The following LDB2 variants were observed in gnomAD, a reference collection of about 807,000 sequenced individuals.
LDB2 encodes the protein LIM domain binding 2.
In LDB2, 12 loss-of-function variants were observed where a neutral mutation model predicts 44.3. That is an observed-to-expected ratio of 0.27 (90% confidence interval 0.17 to 0.44). The LOEUF (loss-of-function observed/expected upper bound fraction) is 0.44, where lower values mean the gene tolerates loss of function less well. LDB2 is among the 20% of genes least tolerant of loss of function. LDB2 has a pLI of 1.00. For synonymous variants in LDB2, 164 were observed against 174.8 expected (o/e 0.94, Z 0.49); for missense variants, 344 against 473.5 (o/e 0.73, Z 2.54).
chr4:16,730,138 A>T (rs1291129339), intron 2 of LDB2, among the ~76,000 whole-genome samples: 2 of 152,178 alleles, frequency 1.3e-5, no homozygotes. Flanking sequence ...GTCAGAAAGT[A>T]ATACATCCTT....
At chr4:16,754,811 C>T (rs574667814) in intron 2 of LDB2, among the ~76,000 whole-genome samples, 20 of 152,262 alleles carry the variant, frequency 1.3e-4, no homozygotes, top group African/African-American at 4.3e-4. Flanking sequence ...GGATTACAGG[C>T]GTTAGCCACA....
intron 5 of LDB2, among the ~76,000 whole-genome samples, chr4:16,564,620 A>C (rs1431597567): frequency 6.6e-6 from 1 of 152,226 alleles, no homozygotes; most frequent in African/African-American, 2.4e-5. Context: ...TCACTTTTCT[A>C]AGGGATCTTT....
chr4:16,552,785 C>CTT (rs1170411721), intron 5 of LDB2, among the ~76,000 whole-genome samples: 1 of 152,200 alleles, frequency 6.6e-6, no homozygotes, highest in Non-Finnish European at 1.5e-5. Flanking sequence ...CTTTTTGACA[C>CTT]TTTCTGACTT....
At chr4:16,827,264 G>A (rs1199951682) in intron 1 of LDB2, among the ~76,000 whole-genome samples, 1 of 152,168 alleles carries the variant, frequency 6.6e-6, no homozygotes, top group African/African-American at 2.4e-5. Flanking sequence ...GACAGCAGGA[G>A]GACAGTGTCA....
intron 1 of LDB2, among the ~76,000 whole-genome samples, chr4:16,892,647 G>A (rs1461206778): frequency 2.0e-5 from 3 of 152,194 alleles, no homozygotes; most frequent in Non-Finnish European, 4.4e-5. Context: ...AAAGTTGGAT[G>A]TTTGGGGTTG....
intron 1 of LDB2, among the ~76,000 whole-genome samples, chr4:16,826,045 AG>A (rs1285190766): frequency 6.6e-6 from 1 of 151,818 alleles, no homozygotes; most frequent in East Asian, 1.9e-4. Context: ...GATTTAGTTT[AG>A]CCCTAATGTT....
intron 2 of LDB2, among the ~76,000 whole-genome samples, chr4:16,669,642 T>G (rs1744214008): frequency 6.6e-6 from 1 of 152,080 alleles, no homozygotes; most frequent in Non-Finnish European, 1.5e-5. Flanking sequence ...CACATGTGAG[T>G]CAGAAAGGTG....
intron 2 of LDB2, among the ~76,000 whole-genome samples, chr4:16,705,260 T>A (rs969846461): frequency 6.6e-6 from 1 of 152,128 alleles, no homozygotes; most frequent in Admixed American, 6.6e-5. Context: ...CTCTTTGGAA[T>A]AGAGTTCACA....
At chr4:16,739,763 T>C (rs1184353340) in intron 2 of LDB2, among the ~76,000 whole-genome samples, 1 of 140,554 alleles carries the variant, frequency 7.1e-6, no homozygotes, top group African/African-American at 2.6e-5. Flanking sequence ...TATATATAAC[T>C]ATTCTTAATG....
At chr4:16,562,153 G>T (rs1181756786) in intron 5 of LDB2, among the ~76,000 whole-genome samples, 8 of 152,098 alleles carry the variant, frequency 5.3e-5, no homozygotes, top group Admixed American at 5.2e-4. Flanking sequence ...CAGGACATAG[G>T]CATGGGCAAG....
intron 1 of LDB2, among the ~76,000 whole-genome samples, chr4:16,778,436 G>A (rs143569178): frequency 1.4e-3 from 211 of 152,146 alleles, no homozygotes; most frequent in African/African-American, 4.6e-3. Context: ...CTCCCTGCCC[G>A]CCCTACCTTG....
intron 1 of LDB2, among the ~76,000 whole-genome samples, chr4:16,816,270 A>T (rs1172531138): frequency 6.6e-6 from 1 of 152,176 alleles, no homozygotes; most frequent in Non-Finnish European, 1.5e-5. Flanking sequence ...ATGTGTGGAT[A>T]TCCATGGTAT....
At chr4:16,897,958 A>G (rs1161670547) in intron 1 of LDB2, among the ~76,000 whole-genome samples, 23 of 131,404 alleles carry the variant, frequency 1.8e-4, no homozygotes, top group African/African-American at 6.4e-4. Flanking sequence ...ATATATATAT[A>G]TATATATATA....
intron 1 of LDB2, among the ~76,000 whole-genome samples, chr4:16,791,267 A>G (rs1775636336): frequency 6.6e-6 from 1 of 152,188 alleles, no homozygotes; most frequent in African/African-American, 2.4e-5. Context: ...AACAACAACA[A>G]CAAAAACGGC....
chr4:16,564,362 G>GA (rs1425657401), intron 5 of LDB2, among the ~76,000 whole-genome samples: 2 of 152,030 alleles, frequency 1.3e-5, no homozygotes, highest in East Asian at 3.9e-4. Context: ...TTCTATCTCA[G>GA]AAAAAAGAAA....
intron 2 of LDB2, among the ~76,000 whole-genome samples, chr4:16,699,009 A>G (rs948486735): frequency 1.3e-5 from 2 of 152,222 alleles, no homozygotes; most frequent in Non-Finnish European, 2.9e-5. Context: ...TCAGCCTGTC[A>G]GGAATTGGGC....
intron 5 of LDB2, among the ~76,000 whole-genome samples, chr4:16,557,319 G>T (rs1052540214): frequency 6.6e-6 from 1 of 152,226 alleles, no homozygotes; most frequent in Non-Finnish European, 1.5e-5. Flanking sequence ...AAAGTAAGGG[G>T]TGACAGATGG....
intron 1 of LDB2, among the ~76,000 whole-genome samples, chr4:16,893,330 T>G (rs1723960407): frequency 6.6e-6 from 1 of 152,062 alleles, no homozygotes; most frequent in Non-Finnish European, 1.5e-5. Context: ...ACCTCCAAGT[T>G]ACCACAAAGC....
intron 1 of LDB2, among the ~76,000 whole-genome samples, chr4:16,764,140 AG>A (rs1018657891): frequency 6.6e-6 from 1 of 152,182 alleles, no homozygotes; most frequent in Non-Finnish European, 1.5e-5. Context: ...TTACTTAAAA[AG>A]TTATTTCCCA....
Sources: gnomAD v4.1 joint callset for allele counts (sites outside exome capture counted in the v4.1 genomes callset) on GRCh38, gnomAD v4.1.1 for gene constraint, MANE v1.5 for transcripts, NCBI Gene and HGNC (gene_info 2026-07-23, HGNC 2026-07-21) for gene names.